IQCH: variants seen among roughly 807,000 people sequenced by gnomAD.
IQCH encodes the protein IQ motif containing H.
IQCH carries 98 observed loss-of-function variants against 117.0 expected under a neutral mutation model. The observed-to-expected ratio is 0.84, with a 90% CI of 0.71 to 0.99. The LOEUF is 0.99. Ranked by LOEUF, IQCH falls within the 50% of genes least tolerant of loss-of-function variation. The pLI is 0.00. For synonymous variants in IQCH, 412 were observed against 448.2 expected, an observed-to-expected ratio of 0.92 and a Z score of 1.02; for missense variants, 1,102 against 1,243.8, an observed-to-expected ratio of 0.89 and a Z score of 1.72.
intron 4 of IQCH, among the ~76,000 whole-genome samples, chr15:67,294,341 C>T (rs1966841054): frequency 1.3e-5 from 2 of 152,106 alleles, no homozygotes; most frequent in African/African-American, 4.8e-5. Context: ...TATTTCCTTG[C>T]CTATATTACT....
intron 4 of IQCH, among the ~76,000 whole-genome samples, chr15:67,309,015 T>G (rs1967452767): frequency 6.6e-6 from 1 of 152,124 alleles, no homozygotes; most frequent in Non-Finnish European, 1.5e-5. Flanking sequence ...ACTTTTTAGC[T>G]CTTAGAATAG....
intron 8 of IQCH, among the ~76,000 whole-genome samples, chr15:67,367,936 G>A (rs1036779268): frequency 1.3e-5 from 2 of 152,158 alleles, no homozygotes; most frequent in Admixed American, 1.3e-4. Context: ...AACTAGCTTT[G>A]TGATCTTGGG....
Position 67,391,586 on chromosome 15 carries a change from CA to C in IQCH, c.1632+2590del, listed in dbSNP as rs910196263. On this transcript the variant is annotated intron_variant, in intron 12 of 20. Transcript: ENST00000335894. The surrounding 1 kb of genome is among the most constrained non-coding windows in gnomAD (Gnocchi z 4.3). ...TAAACAACTACCTTTTATCTCAGGT[CA>C]AAAAAAAAATCAGTGGTGATAAATT... Among the ~76,000 whole-genome samples the C allele has an allele frequency of 8.1e-5, 12 of 147,316 alleles. No individual in the cohort carries two copies. Among genetic ancestry groups the C allele is most frequent in the African/African-American group, 1.5e-4 (6 of 40,356 alleles).
In IQCH at chr15:67,454,288, G is replaced by A. The variant is rs1275588256; in HGVS notation, c.2506-10839G>A. Among the ~76,000 whole-genome samples, 2 of 152,166 alleles carry A rather than the reference G, an allele frequency of 1.3e-5. No individual in the cohort carries two copies. The highest frequency in any genetic ancestry group is 2.9e-5 in the Non-Finnish European group (2 of 68,026). On this transcript the variant is annotated intron_variant, in intron 16 of 20. Transcript: ENST00000335894. The surrounding 1 kb of genome is among the most constrained non-coding windows in gnomAD (Gnocchi z 5.2). ...GTGAGATGAACCCGGTACCTCAGTT[G>A]GAAATGCAGAAATCACCCGTCTTCT...
intron 4 of IQCH, among the ~76,000 whole-genome samples, chr15:67,330,725 C>T (rs1007638947): frequency 3.3e-5 from 5 of 152,176 alleles, no homozygotes; most frequent in African/African-American, 1.2e-4. Context: ...TTCATTCTGC[C>T]TCTGAAATTG....
Position 67,411,319 on chromosome 15 carries a change from C to T in IQCH, c.2098-5612C>T, listed in dbSNP as rs1356883971. On this transcript the variant is annotated intron_variant, in intron 14 of 20. Transcript: ENST00000335894. The surrounding 1 kb of genome is among the most constrained non-coding windows in gnomAD (Gnocchi z 4.4). Reference sequence around the variant, plus strand: ...CAGCCAGAGAGCACCTGCGGCCTCCCAGTGTGACTGGAGAAGCCCTCGTTC... The same window carrying T: ...CAGCCAGAGAGCACCTGCGGCCTCCTAGTGTGACTGGAGAAGCCCTCGTTC... 1.3e-5 allele frequency among the ~76,000 whole-genome samples: 2 copies of T among 152,178 alleles called. No homozygotes were observed. Among genetic ancestry groups the T allele is most frequent in the Non-Finnish European group, 2.9e-5 (2 of 68,024 alleles).
At chr15:67,380,400 T>TTTAATAGTTATTTAATAG (rs1596288810) in intron 10 of IQCH, among the ~76,000 whole-genome samples, 1 of 152,226 alleles carries the variant, frequency 6.6e-6, no homozygotes, top group East Asian at 1.9e-4. Flanking sequence ...AACTATTAGT[T>TTTAATAGTTATTTAATAG]TTATTTTAAT....
chr15:67,442,205 G>A (rs1040779302), intron 16 of IQCH, among the ~76,000 whole-genome samples: 1 of 152,102 alleles, frequency 6.6e-6, no homozygotes, highest in African/African-American at 2.4e-5. Flanking sequence ...GAGGTCAGGA[G>A]TTGGAGACCA....
intron 6 of IQCH, among the ~76,000 whole-genome samples, chr15:67,351,902 TAA>T (rs903027953): frequency 5.3e-5 from 8 of 151,666 alleles, no homozygotes. Flanking sequence ...TAGCTGAATT[TAA>T]AAAAAAATCA....
rs1271668616 is a variant in IQCH at position 67,401,937 on chromosome 15, T to G, written c.2097+1632T>G. On this transcript the variant is annotated intron_variant, in intron 14 of 20. Coordinates refer to ENST00000335894, the MANE Select transcript of IQCH (RefSeq NM_001031715.3). This position sits in a 1 kb window ranked among gnomAD's most constrained non-coding sequence, Gnocchi z 4.7. ...ACCATAAAAATATGGTTTTTTAATT[T>G]AAAACATTGAAGTGTTAATGTGCAA... is the stretch of plus-strand genomic sequence containing the variant. Among the ~76,000 whole-genome samples, 17 of 152,190 alleles carry G rather than the reference T, an allele frequency of 1.1e-4. No homozygotes were observed. Among genetic ancestry groups the G allele is most frequent in the Non-Finnish European group, 2.9e-5 (2 of 68,032 alleles).
At position 67,454,403 on chromosome 15, in the gene IQCH, C is replaced by T. The variant is rs550959870; in HGVS notation, c.2506-10724C>T. ...TGATCTCTTGACCTTGTGATCCGCC[C>T]GCCTCGGCCTCCCAAAGTATTCAAA... On this transcript the variant is annotated intron_variant, in intron 16 of 20. Transcript: ENST00000335894. The surrounding 1 kb of genome is among the most constrained non-coding windows in gnomAD (Gnocchi z 5.2). 1.2e-4 allele frequency among the ~76,000 whole-genome samples: 19 copies of T among 152,300 alleles called. No homozygotes were observed. Among genetic ancestry groups the T allele is most frequent in the African/African-American group, 2.9e-4 (12 of 41,546 alleles).
rs1018361041 is a variant in IQCH, at chr15:67,432,987, A to G, written c.2505+11410A>G. ...AGATTTACTTTTTCTCTTTAGGGAAAGTATTTTATTTATATGGAAGAAGGC... is the reference window on the plus strand; with the variant it reads ...AGATTTACTTTTTCTCTTTAGGGAAGGTATTTTATTTATATGGAAGAAGGC... On this transcript the variant is annotated intron_variant, in intron 16 of 20. Transcript: ENST00000335894. The surrounding 1 kb of genome is among the most constrained non-coding windows in gnomAD (Gnocchi z 5.0). Among the ~76,000 whole-genome samples the G allele has an allele frequency of 2.6e-5, 4 of 152,250 alleles. No homozygotes were observed. The highest frequency in any genetic ancestry group is 7.2e-5 in the African/African-American group (3 of 41,468).
intron 10 of IQCH, among the ~76,000 whole-genome samples, chr15:67,382,521 T>G (rs1037680354): frequency 2.6e-5 from 4 of 152,254 alleles, no homozygotes; most frequent in Admixed American, 6.5e-5. Flanking sequence ...TTCTGCCTAC[T>G]ACAACAACTG....
chr15:67,347,100 G>C (rs1969428825), intron 6 of IQCH, among the ~76,000 whole-genome samples: 1 of 151,134 alleles, frequency 6.6e-6, no homozygotes, highest in Non-Finnish European at 1.5e-5. Flanking sequence ...AATGATCTAA[G>C]CTCCCACTCT....
At chr15:67,449,191 G>A (rs539559711) in intron 16 of IQCH, among the ~76,000 whole-genome samples, 110 of 152,032 alleles carry the variant, frequency 7.2e-4, no homozygotes, top group African/African-American at 2.3e-3. Context: ...TCACTCTGAT[G>A]GTAGTTTCTT....
chr15:67,293,496 T>C (rs1345657999), intron 4 of IQCH, among the ~76,000 whole-genome samples: 1 of 152,190 alleles, frequency 6.6e-6, no homozygotes, highest in Non-Finnish European at 1.5e-5. Context: ...TAATACTTAA[T>C]ACCATGTAAA....
chr15:67,401,659 G>T lies in IQCH; in HGVS notation c.2097+1354G>T, dbSNP rs532090209. On this transcript the variant is annotated intron_variant, in intron 14 of 20. Transcript: ENST00000335894. The surrounding 1 kb of genome is among the most constrained non-coding windows in gnomAD (Gnocchi z 4.7). ...GAGTTCCCTTTGACAAATGTGACTG[G>T]TTTCCCCATGATCTATTCTGGGCTT... Among the ~76,000 whole-genome samples the T allele has an allele frequency of 3.3e-5, 5 of 152,178 alleles. No individual in the cohort carries two copies. The highest frequency in any genetic ancestry group is 7.4e-5 in the Non-Finnish European group (5 of 67,996).
intron 2 of IQCH, among the ~76,000 whole-genome samples, chr15:67,262,586 A>G (rs1056304592): frequency 5.9e-5 from 9 of 152,016 alleles, no homozygotes; most frequent in African/African-American, 1.9e-4. Context: ...AAGTCCCTGT[A>G]AAAAAAAGAC....
Position 67,395,519 on chromosome 15 carries a change from G to C in IQCH, c.1861G>C (p.Val621Leu), listed in dbSNP as rs754828418. Residue 621 changes from valine (V) to leucine (L), a missense_variant, in exon 13 of 21, where the codon GTG becomes CTG. Coordinates refer to ENST00000335894, the MANE Select transcript of IQCH (RefSeq NM_001031715.3). This position sits in a 1 kb window ranked among gnomAD's most constrained non-coding sequence, Gnocchi z 4.0. Reference sequence around the variant, plus strand: ...CAAACGTGTCTTTGACAGTGCCAATGTGGCAGTTCCTCCTGGAATATATGA... The same window carrying C: ...CAAACGTGTCTTTGACAGTGCCAATCTGGCAGTTCCTCCTGGAATATATGA... ...GGKRVFDSAN[V>L]AVPPGIYDIY... The C allele has an allele frequency of 1.2e-6, 2 of 1,614,004 alleles. No homozygotes were observed. The highest frequency in any genetic ancestry group is 2.2e-5 in the South Asian group (2 of 91,076).
Sources: allele counts gnomAD v4.1 joint callset (sites outside exome capture counted in the v4.1 genomes callset), GRCh38; gene constraint gnomAD v4.1.1; non-coding constraint Gnocchi (gnomAD v3.1); transcripts MANE v1.5; gene names NCBI Gene and HGNC (gene_info 2026-07-23, HGNC 2026-07-21).